The following AMPD1 variants were observed in gnomAD, a reference collection of about 807,000 sequenced individuals.
AMPD1 encodes the protein AMP deaminase 1.
AMPD1 carries 74 observed loss-of-function variants against 82.9 expected under a neutral mutation model. The observed-to-expected ratio is 0.89, with a 90% CI of 0.74 to 1.08. AMPD1 has a LOEUF of 1.08. AMPD1 is among the 50% of genes least tolerant of loss of function. The pLI is 0.00. For missense variants in AMPD1, 881 were observed against 924.5 expected, an observed-to-expected ratio of 0.95 and a Z score of 0.61; for synonymous variants, 333 against 320.5, an observed-to-expected ratio of 1.04 and a Z score of -0.42.
chr1:114,683,433 G>A (rs1386803831), intron 5 of AMPD1, among the ~76,000 whole-genome samples: 1 of 152,168 alleles, frequency 6.6e-6, no homozygotes, highest in Non-Finnish European at 1.5e-5. Flanking sequence ...TAGGTTGAGT[G>A]TGCAAGTTCA....
At chr1:114,688,811 G>T in intron 2 of AMPD1, 70 bp from the exon 3 acceptor site, 1 of 1,550,828 alleles carries the variant, frequency 6.4e-7, no homozygotes, top group Non-Finnish European at 8.9e-7. Flanking sequence ...TCTGCTATGT[G>T]TAAGGCATGG....
intron 10 of AMPD1, 119 bp downstream of exon 10, chr1:114,677,232 T>G: frequency 7.2e-7 from 1 of 1,380,498 alleles, no homozygotes; most frequent in Non-Finnish European, 1.0e-6. Flanking sequence ...CGATAGTGAA[T>G]GCTGTTTTAA....
Position 114,686,773 on chromosome 1 carries a change from ACT to A in AMPD1, c.351_352del (p.Arg117SerfsTer6). 2.5e-6 allele frequency: 4 copies of A among 1,614,050 alleles called. No homozygotes were observed. The highest frequency in any genetic ancestry group is 2.5e-6 in the Non-Finnish European group (3 of 1,179,966). ...AGAGGCATAGTCACCAGTAATCTGC[ACT>A]CTCTGAAAATCAGGCACGGTCTGGT... On this transcript the variant is annotated frameshift_variant, in exon 4 of 16. Transcript: ENST00000520113. LOFTEE classifies it high-confidence loss of function.
At chr1:114,676,175 G>T in intron 10 of AMPD1, 172 bp from the exon 11 acceptor site, 1 of 775,888 alleles carries the variant, frequency 1.3e-6, no homozygotes, top group Non-Finnish European at 2.1e-6. Flanking sequence ...GAGGGATTCA[G>T]TTTGGGCAGC....
intron 13 of AMPD1, 94 bp downstream of exon 13, chr1:114,674,658 G>A: frequency 2.1e-6 from 3 of 1,441,710 alleles, no homozygotes; most frequent in Non-Finnish European, 1.9e-6. Context: ...TATGATTGCA[G>A]TGTCGATAAT....
At chr1:114,692,410 G>A (rs985074646) in intron 2 of AMPD1, among the ~76,000 whole-genome samples, 6 of 152,310 alleles carry the variant, frequency 3.9e-5, no homozygotes, top group Admixed American at 2.0e-4. Context: ...TTAAGGCTGG[G>A]CACGGTGGCT....
At chr1:114,682,661 C>T (rs1415799592) in intron 5 of AMPD1, among the ~76,000 whole-genome samples, 1 of 151,728 alleles carries the variant, frequency 6.6e-6, no homozygotes, top group Non-Finnish European at 1.5e-5. Context: ...TCACTGCAAG[C>T]TCCGCCTCCC....
At chr1:114,680,197 C>T in intron 6 of AMPD1, 62 bp downstream of exon 6, 3 of 1,376,336 alleles carry the variant, frequency 2.2e-6, no homozygotes, top group Non-Finnish European at 3.1e-6. Context: ...AGAAGTAGTA[C>T]TAGTTGTTGT....
intron 10 of AMPD1, 176 bp from the exon 11 acceptor site, chr1:114,676,179 G>A: frequency 1.3e-6 from 1 of 745,946 alleles, no homozygotes; most frequent in Non-Finnish European, 2.1e-6. Flanking sequence ...GATTCAGTTT[G>A]GGCAGCACAT....
At chr1:114,676,357 A>G (rs1018889889) in intron 10 of AMPD1, 2 of 299,944 alleles carry the variant, frequency 6.7e-6, no homozygotes, top group Admixed American at 9.7e-5. Flanking sequence ...GGAAATGATT[A>G]CCAAGAATAC....
chr1:114,687,353 T>C (rs1298780449), intron 3 of AMPD1, among the ~76,000 whole-genome samples: 2 of 152,226 alleles, frequency 1.3e-5, no homozygotes, highest in Admixed American at 1.3e-4. Context: ...AGATTTAATG[T>C]ATATAAAATG....
At chr1:114,676,957 C>T (rs2101713136) in intron 10 of AMPD1, among the ~76,000 whole-genome samples, 1 of 152,080 alleles carries the variant, frequency 6.6e-6, no homozygotes, top group East Asian at 1.9e-4. Flanking sequence ...AATTGACAGA[C>T]AGTAGTAAAG....
In AMPD1 at chr1:114,688,723, C is replaced by T. The variant is rs140601541; in HGVS notation, c.53G>A (p.Arg18His). ...AEEKQIDDAM[R>H]NFAEKVFASE... ...GGCAAACACTTTTTCAGCAAAGTTG[C>T]GCATTGCATCATCAATTTCTAAAAG... Residue 18 changes from arginine (R) to histidine (H), a missense_variant, in exon 3 of 16, where the codon CGC becomes CAC. Arg to His is a conservative substitution (Grantham distance 29). Transcript: ENST00000520113. 22 of 1,614,180 alleles carry T rather than the reference C, an allele frequency of 1.4e-5. No individual in the cohort carries two copies. Among genetic ancestry groups the T allele is most frequent in the East Asian group, 6.7e-5 (3 of 44,888 alleles).
intron 7 of AMPD1, among the ~76,000 whole-genome samples, chr1:114,678,802 C>T (rs1658073875): frequency 6.6e-6 from 1 of 152,228 alleles, no homozygotes; most frequent in Non-Finnish European, 1.5e-5. Flanking sequence ...CTGATCCACA[C>T]ATTCTTCTGG....
At chr1:114,694,486 GA>G (rs550477200) in intron 1 of AMPD1, among the ~76,000 whole-genome samples, 120 of 150,152 alleles carry the variant, frequency 8.0e-4, no homozygotes, top group South Asian at 2.3e-3. Flanking sequence ...AGATTGAAAA[GA>G]AAAAAAAACA....
intron 2 of AMPD1, among the ~76,000 whole-genome samples, chr1:114,692,043 G>A (rs1236190013): frequency 9.2e-5 from 14 of 152,202 alleles, no homozygotes; most frequent in Admixed American, 9.2e-4. Context: ...AAAGGGGAAT[G>A]TTAATAATAA....
At chr1:114,678,643 T>A (rs1330306841) in intron 7 of AMPD1, 116 bp from the exon 8 acceptor site, 36 of 971,740 alleles carry the variant, frequency 3.7e-5, no homozygotes, top group Non-Finnish European at 5.4e-5. Context: ...ATAATGAGGA[T>A]GTGAGCTGAC....
At chr1:114,675,490 G>A (rs921262882) in intron 12 of AMPD1, 40 bp downstream of exon 12, 3 of 1,603,744 alleles carry the variant, frequency 1.9e-6, no homozygotes, top group Non-Finnish European at 2.6e-6. Flanking sequence ...AAAGAGCTGT[G>A]TCAAATAGAC....
intron 3 of AMPD1, 42 bp from the exon 4 acceptor site, chr1:114,686,952 T>G: frequency 6.3e-7 from 1 of 1,597,804 alleles, no homozygotes. Context: ...TTTGTCTTCA[T>G]CAGGCGTTTC....
Sources: gnomAD v4.1 joint callset for allele counts (sites outside exome capture counted in the v4.1 genomes callset) on GRCh38, gnomAD v4.1.1 for gene constraint, MANE v1.5 for transcripts, NCBI Gene and HGNC (gene_info 2026-07-23, HGNC 2026-07-21) for gene names.